SLC14A2: variants seen among roughly 807,000 people sequenced by gnomAD.
SLC14A2 encodes urea transporter 2.
A neutral mutation model predicts 104.6 loss-of-function variants in SLC14A2; 91 were observed. The ratio of observed to expected loss-of-function variants is 0.87; its 90% CI spans 0.73 to 1.04. SLC14A2 has a LOEUF of 1.04. Among genes scored for constraint, SLC14A2 ranks in the 50% least tolerant of loss-of-function variants. SLC14A2 has a pLI of 0.00. For missense variants in SLC14A2, 1,189 were observed against 1,156.0 expected, an observed-to-expected ratio of 1.03 and a Z score of -0.41; for synonymous variants, 476 against 466.4, an observed-to-expected ratio of 1.02 and a Z score of -0.27.
At chr18:45,678,354 C>T (rs1358146904) in intron 18 of SLC14A2, among the ~76,000 whole-genome samples, 2 of 152,188 alleles carry the variant, frequency 1.3e-5, no homozygotes, top group Non-Finnish European at 2.9e-5. Flanking sequence ...TAAAGGTTAA[C>T]TCTTGTTAAT....
intron 1 of SLC14A2, among the ~76,000 whole-genome samples, chr18:45,444,588 A>G (rs1598826105): frequency 6.6e-6 from 1 of 152,206 alleles, no homozygotes; most frequent in Non-Finnish European, 1.5e-5. Context: ...GGGCTTGTGC[A>G]TGCCTGTCTT....
chr18:45,302,535 T>C (rs998439521), intron 1 of SLC14A2, among the ~76,000 whole-genome samples: 1 of 152,220 alleles, frequency 6.6e-6, no homozygotes, highest in African/African-American at 2.4e-5. Context: ...CAATATCTAA[T>C]CTTTCCACAA....
At chr18:45,477,457 G>A (rs374188602) in intron 1 of SLC14A2, among the ~76,000 whole-genome samples, 62 of 152,298 alleles carry the variant, frequency 4.1e-4, no homozygotes, top group African/African-American at 1.4e-3. Context: ...GAAGGCATGG[G>A]GGTCAGGGAC....
intron 1 of SLC14A2, among the ~76,000 whole-genome samples, chr18:45,248,895 A>G (rs2084393594): frequency 6.6e-6 from 1 of 152,206 alleles, no homozygotes. Flanking sequence ...AATTTTCAAT[A>G]AATCTGCGGG....
chr18:45,636,908 A>T, intron 5 of SLC14A2, 82 bp from the exon 6 acceptor site: 2 of 1,085,206 alleles, frequency 1.8e-6, no homozygotes. Flanking sequence ...GAGGCAGTGG[A>T]TGATACAGTG....
At chr18:45,179,229 A>G in the SLC14A2 span, among the ~76,000 whole-genome samples, 4 of 152,166 alleles carry the variant, frequency 2.6e-5, no homozygotes, top group Non-Finnish European at 5.9e-5. Context: ...ATAGCACACC[A>G]AACAATCTAT....
rs557134845 is a variant in SLC14A2 at position 45,648,274 on chromosome 18, G to C, written c.1351+4114G>C. On this transcript the variant is annotated intron_variant, in intron 10 of 19. Transcript: ENST00000255226. ...AGGCTGGAGTGCAGTGGCACCATCT[G>C]GGCTCACTGCAAGCTCCGCCTCCCG... is the stretch of plus-strand genomic sequence containing the variant. Among the ~76,000 whole-genome samples the C allele has an allele frequency of 4.5e-3, 644 of 143,508 alleles. 4 individuals are homozygous for C. Among genetic ancestry groups the C allele is most frequent in the Middle Eastern group, 0.011 (3 of 262 alleles). The allele number at this position is 143,508 out of a possible 152,430, so 94.1% of individuals were successfully genotyped here. A position where few individuals can be genotyped will look rare whatever the true frequency, so the allele number is the denominator to read the frequency against.
chr18:45,531,426 T>C (rs2043685033), intron 2 of SLC14A2, among the ~76,000 whole-genome samples: 1 of 152,268 alleles, frequency 6.6e-6, no homozygotes, highest in African/African-American at 2.4e-5. Context: ...ATTGTGGTTT[T>C]GATTTGCATT....
intron 1 of SLC14A2, among the ~76,000 whole-genome samples, chr18:45,345,241 CTG>C (rs1390334942): frequency 6.6e-6 from 1 of 152,210 alleles, no homozygotes; most frequent in Non-Finnish European, 1.5e-5. Flanking sequence ...TGTATTTACT[CTG>C]TGTTTCTTTC....
In SLC14A2 at chr18:45,635,886, C is replaced by T. The variant is rs141482568; in HGVS notation, c.651-1104C>T. On this transcript the variant is annotated intron_variant, in intron 5 of 19. Coordinates refer to ENST00000255226, the MANE Select transcript of SLC14A2 (RefSeq NM_007163.4). ...TCCAAAGAACAGGGAAAAGAACTGG[C>T]CTGATGAAGGAGCAGGGATGCTTCC... Among the ~76,000 whole-genome samples, 345 of 152,262 alleles carry T rather than the reference C, an allele frequency of 2.3e-3. 1 individual carries two copies. The highest frequency in any genetic ancestry group is 6.8e-3 in the African/African-American group (284 of 41,544).
In SLC14A2 at chr18:45,334,057, C is replaced by A. The variant is rs2085314514; in HGVS notation, c.-125+120866C>A. Among the ~76,000 whole-genome samples the A allele has an allele frequency of 5.3e-5, 8 of 152,266 alleles. No homozygotes were observed. The South Asian group carries it at 1.5e-3, about 28-fold the overall frequency. On this transcript the variant is annotated intron_variant, in intron 1 of 20. Coordinates refer to the SLC14A2 transcript ENST00000586448. ...AAGGTAAAGGGACTATTTCTGGCAT[C>A]CTATTTGTTCAGCATCCTATTCAAA... is the stretch of plus-strand genomic sequence containing the variant.
chr18:45,354,513 C>A (rs574878541), intron 1 of SLC14A2, among the ~76,000 whole-genome samples: 2 of 152,184 alleles, frequency 1.3e-5, no homozygotes, highest in African/African-American at 2.4e-5. Context: ...GCGGAGGCTC[C>A]CAGTTCAGTG....
At chr18:45,508,665 T>C (rs771914418) in intron 2 of SLC14A2, among the ~76,000 whole-genome samples, 13 of 152,198 alleles carry the variant, frequency 8.5e-5, no homozygotes, top group Non-Finnish European at 1.5e-4. Flanking sequence ...TTCTACAAGA[T>C]GTTTCTGCAG....
At chr18:45,599,899 C>T (rs963999340) in intron 2 of SLC14A2, among the ~76,000 whole-genome samples, 2 of 152,118 alleles carry the variant, frequency 1.3e-5, no homozygotes, top group Non-Finnish European at 2.9e-5. Context: ...CATCAGATCT[C>T]GTGAGACTTA....
At chr18:45,395,951 A>T (rs1014155618) in intron 1 of SLC14A2, among the ~76,000 whole-genome samples, 22 of 152,134 alleles carry the variant, frequency 1.4e-4, no homozygotes, top group Admixed American at 7.9e-4. Flanking sequence ...GGTGTGATCA[A>T]ATCAATGCAA....
intron 1 of SLC14A2, among the ~76,000 whole-genome samples, chr18:45,228,096 C>T (rs2084137992): frequency 6.6e-6 from 1 of 152,078 alleles, no homozygotes; most frequent in African/African-American, 2.4e-5. Context: ...GAGAATCTTC[C>T]ATTGATTAAA....
chr18:45,600,514 T>C (rs1236787429), intron 2 of SLC14A2, among the ~76,000 whole-genome samples: 2 of 152,146 alleles, frequency 1.3e-5, no homozygotes, highest in Non-Finnish European at 2.9e-5. Flanking sequence ...GGTATGGTAA[T>C]CTTGATGCCA....
chr18:45,505,146 C>A (rs1454741760), intron 2 of SLC14A2, among the ~76,000 whole-genome samples: 1 of 152,106 alleles, frequency 6.6e-6, no homozygotes, highest in Non-Finnish European at 1.5e-5. Context: ...CGGAAAGAAA[C>A]AATTTTATGA....
At chr18:45,428,717 A>G (rs1165874761) in intron 1 of SLC14A2, among the ~76,000 whole-genome samples, 2 of 152,262 alleles carry the variant, frequency 1.3e-5, no homozygotes, top group Non-Finnish European at 2.9e-5. Flanking sequence ...GTTTAATGAC[A>G]GAATGGACCA....
Sources: gnomAD v4.1 joint callset for allele counts (sites outside exome capture counted in the v4.1 genomes callset) on GRCh38, gnomAD v4.1.1 for gene constraint, MANE v1.5 for transcripts, NCBI Gene and HGNC (gene_info 2026-07-23, HGNC 2026-07-21) for gene names.